Variants in ZNF215 observed in about 807,000 individuals in gnomAD.
The protein encoded by ZNF215 is zinc finger protein 215, also known as BWSCR2-associated zinc finger protein 2.
Under a neutral mutation model 27.2 loss-of-function variants are expected in ZNF215, and 24 were observed. That is an observed-to-expected ratio of 0.88 (90% CI 0.64 to 1.24). The LOEUF is 1.24. Ranked by LOEUF, ZNF215 falls within the 50% of genes most tolerant of loss-of-function variation. The probability of loss-of-function intolerance (pLI) is 0.00; values close to 1 mark genes in which losing one functional copy is unlikely to be tolerated. For synonymous variants in ZNF215, 210 were observed against 204.0 expected, an observed-to-expected ratio of 1.03 and a Z score of -0.25; for missense variants, 675 against 605.7, an observed-to-expected ratio of 1.11 and a Z score of -1.20.
chr11:6,951,896 C>T (rs981049866), intron 6 of ZNF215, among the ~76,000 whole-genome samples: 1 of 152,170 alleles, frequency 6.6e-6, no homozygotes, highest in South Asian at 2.1e-4. Context: ...CCTCTACACA[C>T]TGCTTTGAAT....
downstream of ZNF215, among the ~76,000 whole-genome samples, chr11:6,986,415 C>T (rs1284866942): frequency 6.6e-6 from 1 of 152,104 alleles, no homozygotes; most frequent in African/African-American, 2.4e-5. Context: ...AAGCCTCAAA[C>T]TACAAAAATC....
rs1274024220 is a variant in ZNF215 at position 6,943,234 on chromosome 11, C to T, written c.616+19C>T. On this transcript the variant is annotated intron_variant, in intron 5 of 6. Transcript: ENST00000278319. The stretch of plus-strand genomic sequence containing the variant: ...CGTAAAGGTGGTTTCTATATGTTTA[C>T]CTAATCTGTCCATTTAGTAATCTCT... 1 of 1,596,976 alleles carries T rather than the reference C, an allele frequency of 6.3e-7. No individual in the cohort carries two copies. The highest frequency in any genetic ancestry group is 8.5e-7 in the Non-Finnish European group (1 of 1,173,488).
intron 2 of ZNF215, among the ~76,000 whole-genome samples, chr11:6,930,891 C>T (rs1849234065): frequency 6.6e-6 from 1 of 152,224 alleles, no homozygotes; most frequent in South Asian, 2.1e-4. Flanking sequence ...TATGTAGTCT[C>T]ATTTATATAT....
chr11:6,953,130 G>A (rs1030814906), intron 6 of ZNF215, among the ~76,000 whole-genome samples: 2 of 152,116 alleles, frequency 1.3e-5, no homozygotes, highest in African/African-American at 4.8e-5. Context: ...GCTTCCCTTT[G>A]TGGGTAACCC....
At chr11:6,950,966 C>A (rs1850031811) in intron 6 of ZNF215, among the ~76,000 whole-genome samples, 1 of 151,984 alleles carries the variant, frequency 6.6e-6, no homozygotes, top group Non-Finnish European at 1.5e-5. Context: ...TTGTCCAAGG[C>A]CTTTTCTGCA....
At chr11:6,969,586 TAA>T (rs5789492) in intron 5 of ZNF215, among the ~76,000 whole-genome samples, 12 of 151,644 alleles carry the variant, frequency 7.9e-5, no homozygotes, top group East Asian at 1.9e-4. Context: ...TGAAAATAGC[TAA>T]AAAAAAAATG....
intron 6 of ZNF215, among the ~76,000 whole-genome samples, chr11:6,954,678 T>C (rs1850249545): frequency 6.6e-6 from 1 of 152,240 alleles, no homozygotes; most frequent in Non-Finnish European, 1.5e-5. Flanking sequence ...CCTGACCCCT[T>C]GCGCTTCCCG....
intron 5 of ZNF215, among the ~76,000 whole-genome samples, chr11:6,970,246 A>G (rs1389980693): frequency 1.3e-5 from 2 of 152,230 alleles, no homozygotes; most frequent in African/African-American, 2.4e-5. Flanking sequence ...GTGAAATAAA[A>G]ATGTAAAAAT....
At chr11:6,980,711 A>T (rs1389128561) in intron 5 of ZNF215, among the ~76,000 whole-genome samples, 2 of 149,032 alleles carry the variant, frequency 1.3e-5, no homozygotes, top group African/African-American at 4.9e-5. Flanking sequence ...TGCACCCATT[A>T]ACTCGTCATT....
chr11:6,975,233 A>T (rs1455098273), intron 5 of ZNF215, among the ~76,000 whole-genome samples: 1 of 152,106 alleles, frequency 6.6e-6, no homozygotes. Flanking sequence ...CTTGCTTCCC[A>T]GGGATGAAGC....
intron 5 of ZNF215, among the ~76,000 whole-genome samples, chr11:6,977,848 T>C (rs534103975): frequency 6.6e-6 from 1 of 152,202 alleles, no homozygotes; most frequent in Non-Finnish European, 1.5e-5. Flanking sequence ...AGAGCCCTAA[T>C]GACCTAATCA....
At chr11:6,971,605 G>T (rs1850719139) in intron 5 of ZNF215, among the ~76,000 whole-genome samples, 1 of 152,144 alleles carries the variant, frequency 6.6e-6, no homozygotes, top group Admixed American at 6.6e-5. Flanking sequence ...TGAGTTCTTT[G>T]AGTACATATC....
chr11:6,985,512 C>T (rs1024118602), downstream of ZNF215, among the ~76,000 whole-genome samples: 6 of 152,178 alleles, frequency 3.9e-5, no homozygotes, highest in African/African-American at 1.4e-4. Flanking sequence ...CTCACCACTC[C>T]TATTCACCTT....
In ZNF215 at chr11:6,932,116, G is replaced by T; in HGVS notation, c.-157G>T. 2.4e-6 allele frequency: 2 copies of T among 838,900 alleles called. No homozygotes were observed. The highest frequency in any genetic ancestry group is 3.5e-6 in the Non-Finnish European group (2 of 563,558). 52.0% of individuals were successfully genotyped at this position (838,900 alleles called of 1,614,324 possible). A position where few individuals can be genotyped will look rare whatever the true frequency, so the allele number is the denominator to read the frequency against. ...CAGTTGCTCAGGTACCTGAATATTG[G>T]CTTTGTGTCTAAAGTTTCTGGAACT... On this transcript the variant is annotated 5_prime_UTR_variant, in exon 3 of 7. Transcript: ENST00000278319.
downstream of ZNF215, chr11:6,988,481 C>T (rs1851083479): frequency 6.4e-6 from 1 of 157,344 alleles, no homozygotes; most frequent in Admixed American, 6.5e-5. Context: ...TTTTGTGCAG[C>T]TTTCTATCCA....
downstream of ZNF215, among the ~76,000 whole-genome samples, chr11:6,960,523 A>G (rs1053816782): frequency 5.9e-5 from 9 of 152,178 alleles, no homozygotes; most frequent in African/African-American, 2.2e-4. Flanking sequence ...ACAATCACTG[A>G]GAGGTGAGGC....
At chr11:6,975,362 C>T (rs1850809745) in intron 5 of ZNF215, among the ~76,000 whole-genome samples, 1 of 151,954 alleles carries the variant, frequency 6.6e-6, no homozygotes, top group Admixed American at 6.6e-5. Context: ...TCCATCCCCT[C>T]AAGCATTTAT....
chr11:6,971,073 A>C (rs997806734), intron 5 of ZNF215, among the ~76,000 whole-genome samples: 2 of 152,126 alleles, frequency 1.3e-5, no homozygotes, highest in African/African-American at 4.8e-5. Flanking sequence ...CCCTTCAGCC[A>C]ACTTTAAATA....
chr11:6,975,664 T>G (rs1313735321), intron 5 of ZNF215, among the ~76,000 whole-genome samples: 1 of 152,058 alleles, frequency 6.6e-6, no homozygotes, highest in Non-Finnish European at 1.5e-5. Flanking sequence ...TCCACATTGT[T>G]GCAAATGACT....
Sources: allele counts gnomAD v4.1 joint callset (sites outside exome capture counted in the v4.1 genomes callset), GRCh38; gene constraint gnomAD v4.1.1; transcripts MANE v1.5; gene names NCBI Gene and HGNC (gene_info 2026-07-23, HGNC 2026-07-21).